TLN2: variants seen among roughly 807,000 people sequenced by gnomAD.
TLN2 encodes talin-2.
Under a neutral mutation model 294.7 loss-of-function variants are expected in TLN2, and 118 were observed. That is an observed-to-expected ratio of 0.40 (90% CI 0.34 to 0.47). TLN2 has a LOEUF of 0.47. TLN2 is among the 20% of genes least tolerant of loss of function. The pLI, the probability that TLN2 is intolerant of heterozygous loss-of-function variation, is 0.84. For missense variants in TLN2, 3,083 were observed against 3,282.2 expected, an observed-to-expected ratio of 0.94 and a Z score of 1.48; for synonymous variants, 1,431 against 1,304.5, an observed-to-expected ratio of 1.10 and a Z score of -2.09.
At chr15:62,755,351 T>C in intron 36 of TLN2, 181 bp from the exon 37 acceptor site, 4 of 677,120 alleles carry the variant, frequency 5.9e-6, no homozygotes, top group Non-Finnish European at 9.5e-6. Flanking sequence ...TTATTATCTG[T>C]GCTTAAGATT....
Position 62,399,256 on chromosome 15 carries a change from CAAAAAAAAA to C in TLN2, c.-238+8592_-238+8600del, listed in dbSNP as rs546678440. ...TGACAGAGCGAGACTCCGTCTCAAACAAAAAAAAAAAAAAAAAAAAAAAAAAAAAGTAAG... is the reference window on the plus strand; with the variant it reads ...TGACAGAGCGAGACTCCGTCTCAAACAAAAAAAAAAAAAAAAAAAAGTAAG... On this transcript the variant is annotated intron_variant, in intron 1 of 58. Coordinates refer to ENST00000636159, the MANE Select transcript of TLN2 (RefSeq NM_015059.3). Among the ~76,000 whole-genome samples, 434 of 58,440 alleles carry C rather than the reference CAAAAAAAAA, an allele frequency of 7.4e-3. 3 individuals carry two copies. The highest frequency in any genetic ancestry group is 0.03 in the African/African-American group (404 of 13,524). The allele number at this position is 58,440 out of a possible 152,430, so 38.3% of individuals were successfully genotyped here. A position where few individuals can be genotyped will look rare whatever the true frequency, so the allele number is the denominator to read the frequency against.
intron 18 of TLN2, 107 bp downstream of exon 18, chr15:62,702,307 G>T: frequency 3.2e-6 from 4 of 1,248,012 alleles, no homozygotes; most frequent in East Asian, 2.6e-5. Context: ...TCTTGATGGG[G>T]TGTGTTTCTC....
At chr15:62,551,752 C>T (rs1385169361) in intron 1 of TLN2, among the ~76,000 whole-genome samples, 1 of 152,144 alleles carries the variant, frequency 6.6e-6, no homozygotes, top group East Asian at 1.9e-4. Flanking sequence ...AATATTATTA[C>T]CCAGCTACCA....
rs1375136175 is a variant in TLN2 at position 62,722,470 on chromosome 15, C to T, written c.3109C>T (p.Arg1037Cys). The T allele has an allele frequency of 3.7e-6, 6 of 1,611,016 alleles. No homozygotes were observed. Among genetic ancestry groups the T allele is most frequent in the Non-Finnish European group, 5.1e-6 (6 of 1,178,906 alleles). Residue 1037 changes from arginine to cysteine, a missense_variant, in exon 26 of 59, where the codon CGT becomes TGT. Arg to Cys is a radical substitution (Grantham distance 180, BLOSUM62 -3). Coordinates refer to ENST00000636159, the MANE Select transcript of TLN2 (RefSeq NM_015059.3). ...KNLATSLAEL[R>C]TASQKAHEAC... ...CCTGGCCACCAGCTTGGCGGAGCTG[C>T]GTACCGCCTCGCAGAAGGCAAGTGG...
At chr15:62,671,670 T>G (rs2055443783) in intron 9 of TLN2, among the ~76,000 whole-genome samples, 1 of 152,252 alleles carries the variant, frequency 6.6e-6, no homozygotes. Context: ...CTGCACTGTC[T>G]TTGTTACTAT....
intron 52 of TLN2, among the ~76,000 whole-genome samples, chr15:62,818,339 T>C (rs1441338810): frequency 6.6e-6 from 1 of 152,108 alleles, no homozygotes; most frequent in African/African-American, 2.4e-5. Context: ...AAGATCACCA[T>C]TGGGAAACGT....
chr15:62,420,997 T>TA (rs1326738198), intron 1 of TLN2, among the ~76,000 whole-genome samples: 2 of 152,236 alleles, frequency 1.3e-5, no homozygotes, highest in African/African-American at 4.8e-5. Context: ...GTTAATCACT[T>TA]ATGTCATTAG....
At chr15:62,635,119 A>C (rs1448900696) in intron 3 of TLN2, among the ~76,000 whole-genome samples, 1 of 152,190 alleles carries the variant, frequency 6.6e-6, no homozygotes, top group Non-Finnish European at 1.5e-5. Context: ...TTGTTAATGC[A>C]TATTCATTTA....
chr15:62,640,303 A>G (rs1415382189), intron 3 of TLN2: 1 of 456,074 alleles, frequency 2.2e-6, no homozygotes, highest in Non-Finnish European at 4.4e-6. Flanking sequence ...TATAGCAAGT[A>G]CAGCCATCCA....
rs76971503 is a variant in TLN2 at position 62,455,491 on chromosome 15, T to C, written c.-238+64806T>C. Among the ~76,000 whole-genome samples the C allele has an allele frequency of 9.2e-3, 1,401 of 152,108 alleles. 10 individuals carry two copies. The highest frequency in any genetic ancestry group is 0.013 in the Non-Finnish European group (865 of 67,998). On this transcript the variant is annotated intron_variant, in intron 1 of 58. Transcript: ENST00000636159. The stretch of plus-strand genomic sequence containing the variant: ...GCACCGCAATGTATGGGGAGCAATG[T>C]TTTTGTTTGTTTTTTTAACCACTGG...
intron 3 of TLN2, among the ~76,000 whole-genome samples, chr15:62,646,165 C>A (rs368598347): frequency 4.3e-5 from 4 of 93,422 alleles, no homozygotes; most frequent in African/African-American, 1.1e-4. Context: ...CTTTTCTTTT[C>A]TTTCTTTTTT....
chr15:62,527,641 C>T (rs1464708717), intron 1 of TLN2, among the ~76,000 whole-genome samples: 1 of 152,194 alleles, frequency 6.6e-6, no homozygotes, highest in Non-Finnish European at 1.5e-5. Context: ...CAAGTAGACC[C>T]TGTTTGACAG....
intron 2 of TLN2, among the ~76,000 whole-genome samples, chr15:62,597,185 T>A (rs1436774875): frequency 6.6e-6 from 1 of 152,198 alleles, no homozygotes; most frequent in Non-Finnish European, 1.5e-5. Context: ...CCCACCAACA[T>A]GCTCCCAGTC....
At chr15:62,790,373 AAAG>A (rs746117749) in intron 45 of TLN2, among the ~76,000 whole-genome samples, 17 of 152,212 alleles carry the variant, frequency 1.1e-4, no homozygotes, top group African/African-American at 1.7e-4. Context: ...TCGAAAAATC[AAAG>A]AAGTTAGAAA....
At chr15:62,461,130 A>G (rs1017038514) in intron 1 of TLN2, among the ~76,000 whole-genome samples, 5 of 151,996 alleles carry the variant, frequency 3.3e-5, no homozygotes, top group African/African-American at 1.2e-4. Flanking sequence ...TGTATTTTTT[A>G]GTAGAGACGG....
rs185658266 is a variant in TLN2 at position 62,685,485 on chromosome 15, A to T, written c.958-1156A>T. Among the ~76,000 whole-genome samples, 76 of 152,202 alleles carry T rather than the reference A, an allele frequency of 5.0e-4. 1 individual carries two copies. In the East Asian group the frequency reaches 6.9e-3, roughly 14 times the overall value. ...TTACACACATTTATAACTTTTTTTT[A>T]AACTAAATTTCTCAAAGCTAGCTGT... is the stretch of plus-strand genomic sequence containing the variant. On this transcript the variant is annotated intron_variant, in intron 11 of 58. Coordinates refer to ENST00000636159, the MANE Select transcript of TLN2 (RefSeq NM_015059.3).
At chr15:62,548,666 G>A (rs1047023002) in intron 1 of TLN2, among the ~76,000 whole-genome samples, 1 of 152,132 alleles carries the variant, frequency 6.6e-6, no homozygotes, top group Non-Finnish European at 1.5e-5. Context: ...TTGGGTTCCT[G>A]TTCATCCCAC....
chr15:62,548,339 T>A (rs2042108673), intron 1 of TLN2, among the ~76,000 whole-genome samples: 1 of 152,082 alleles, frequency 6.6e-6, no homozygotes, highest in Non-Finnish European at 1.5e-5. Flanking sequence ...CCTAAGAGAA[T>A]CGGGTAAAAT....
intron 1 of TLN2, among the ~76,000 whole-genome samples, chr15:62,449,900 T>C (rs567243693): frequency 6.6e-6 from 1 of 152,352 alleles, no homozygotes; most frequent in South Asian, 2.1e-4. Flanking sequence ...ATTTTCTGTC[T>C]TTATTTTCTG....
Sources: gnomAD v4.1 joint callset for allele counts (sites outside exome capture counted in the v4.1 genomes callset) on GRCh38, gnomAD v4.1.1 for gene constraint, MANE v1.5 for transcripts, NCBI Gene and HGNC (gene_info 2026-07-23, HGNC 2026-07-21) for gene names.